PTPRG: variants seen among roughly 807,000 people sequenced by gnomAD.
PTPRG encodes protein tyrosine phosphatase receptor type G, also known as receptor-type tyrosine-protein phosphatase gamma.
PTPRG carries 102 observed loss-of-function variants against 165.3 expected under a neutral mutation model. The observed-to-expected ratio is 0.62, with a 90% CI of 0.53 to 0.73. The LOEUF (loss-of-function observed/expected upper bound fraction) is 0.73. PTPRG is among the 30% of genes least tolerant of loss of function. The probability of loss-of-function intolerance (pLI) is 0.00; values close to 1 mark genes in which losing one functional copy is unlikely to be tolerated. For synonymous variants in PTPRG, 675 were observed against 669.5 expected (o/e 1.01, Z -0.13); for missense variants, 1,866 against 1,861.4 (o/e 1.00, Z -0.05).
intron 4 of PTPRG, among the ~76,000 whole-genome samples, chr3:62,021,568 T>G (rs2041692279): frequency 6.6e-6 from 1 of 152,200 alleles, no homozygotes; most frequent in South Asian, 2.1e-4. Flanking sequence ...CTAGAATTAG[T>G]GATCAGTCAG....
In PTPRG at chr3:62,271,553, C is replaced by G. The variant is rs752698918; in HGVS notation, c.3180C>G (p.Cys1060Trp). 6.2e-7 allele frequency: 1 copy of G among 1,612,074 alleles called. No homozygotes were observed. Among genetic ancestry groups the G allele is most frequent in the South Asian group, 1.1e-5 (1 of 90,756 alleles). ...AAACGGGCCCTGTGTTGGTGCACTG[C>G]AGGTAGGGTCTAGGATTCAACATGT... is the stretch of plus-strand genomic sequence containing the variant. ...MPETGPVLVH[C>W]SAGVGRTGTY... is the part of the protein sequence containing the mutation. The change falls in exon 21 of 30, where the codon TGC (cysteine) becomes TGG (tryptophan). Residue 1060 changes from cysteine to tryptophan, a missense_variant and splice_region_variant. Cys to Trp is a radical substitution (Grantham distance 215). Coordinates refer to ENST00000474889, the MANE Select transcript of PTPRG (RefSeq NM_002841.4). The surrounding 1 kb of genome is among the most constrained non-coding windows in gnomAD (Gnocchi z 4.1).
intron 4 of PTPRG, among the ~76,000 whole-genome samples, chr3:62,021,802 A>C (rs2041697087): frequency 6.6e-6 from 1 of 151,094 alleles, no homozygotes; most frequent in Non-Finnish European, 1.5e-5. Flanking sequence ...TATGGGGCTA[A>C]TACATTTCTT....
intron 2 of PTPRG, among the ~76,000 whole-genome samples, chr3:61,805,094 G>A (rs2107186586): frequency 6.6e-6 from 1 of 152,252 alleles, no homozygotes; most frequent in East Asian, 1.9e-4. Context: ...ACCTTGCCAG[G>A]GCTGACCTTC....
At chr3:62,140,846 G>A (rs866423459) in intron 6 of PTPRG, among the ~76,000 whole-genome samples, 9 of 121,496 alleles carry the variant, frequency 7.4e-5, no homozygotes, top group African/African-American at 2.8e-4. Flanking sequence ...GATGAGACTC[G>A]GTCTCAAAAA....
chr3:61,855,763 C>T (rs2037088802), intron 2 of PTPRG, among the ~76,000 whole-genome samples: 1 of 150,082 alleles, frequency 6.7e-6, no homozygotes, highest in South Asian at 2.1e-4. Flanking sequence ...TGCTTCAGGC[C>T]TCACATTAGG....
chr3:62,178,186 C>G (rs1576100244), intron 8 of PTPRG, among the ~76,000 whole-genome samples: 1 of 119,568 alleles, frequency 8.4e-6, no homozygotes, highest in South Asian at 2.8e-4. Flanking sequence ...TGGATGGATG[C>G]ACATGTGGAT....
chr3:61,910,771 C>A (rs939957983), intron 2 of PTPRG, among the ~76,000 whole-genome samples: 1 of 152,168 alleles, frequency 6.6e-6, no homozygotes, highest in Non-Finnish European at 1.5e-5. Context: ...AACCCCCTGC[C>A]TCTGTTCGGT....
At position 62,240,266 on chromosome 3, in the gene PTPRG, C is replaced by T. The variant is rs1280994392; in HGVS notation, c.2376-3541C>T. ...GTGAGAATCGCCCGAACCTGGGAGGCGGAGGTTGCAGTGAGCTGAGATCGT... is the reference window on the plus strand; with the variant it reads ...GTGAGAATCGCCCGAACCTGGGAGGTGGAGGTTGCAGTGAGCTGAGATCGT... On this transcript the variant is annotated intron_variant, in intron 14 of 29. Transcript: ENST00000474889. The surrounding 1 kb of genome is among the most constrained non-coding windows in gnomAD (Gnocchi z 5.1). 3.9e-5 allele frequency among the ~76,000 whole-genome samples: 6 copies of T among 152,060 alleles called. No homozygotes were observed. Among genetic ancestry groups the T allele is most frequent in the South Asian group, 2.1e-4 (1 of 4,822 alleles).
chr3:62,184,066 G>A (rs976931044), intron 8 of PTPRG, among the ~76,000 whole-genome samples: 12 of 152,118 alleles, frequency 7.9e-5, no homozygotes, highest in African/African-American at 2.9e-4. Context: ...TGGTTCCTTG[G>A]CCCAGCCCAG....
At chr3:62,253,049 C>T (rs113526231) in intron 15 of PTPRG, among the ~76,000 whole-genome samples, 50 of 152,244 alleles carry the variant, frequency 3.3e-4, no homozygotes, top group Non-Finnish European at 1.5e-5. Context: ...GATTTCTGGG[C>T]ATGTGTGTGT....
At chr3:61,775,909 A>G (rs2034365262) in intron 2 of PTPRG, among the ~76,000 whole-genome samples, 1 of 130,400 alleles carries the variant, frequency 7.7e-6, no homozygotes, top group African/African-American at 2.9e-5. Context: ...GGGGAACATC[A>G]TACACCGGGG....
At chr3:61,917,065 A>G (rs2038957393) in intron 2 of PTPRG, among the ~76,000 whole-genome samples, 1 of 152,092 alleles carries the variant, frequency 6.6e-6, no homozygotes, top group South Asian at 2.1e-4. Flanking sequence ...CTACGGAATC[A>G]GCTCTACTGG....
At chr3:61,895,738 A>G (rs2038337284) in intron 2 of PTPRG, among the ~76,000 whole-genome samples, 1 of 152,216 alleles carries the variant, frequency 6.6e-6, no homozygotes, top group South Asian at 2.1e-4. Context: ...TTTCCTATTT[A>G]GTGATGTGAT....
intron 2 of PTPRG, among the ~76,000 whole-genome samples, chr3:61,941,395 C>T (rs578218316): frequency 9.2e-5 from 14 of 152,232 alleles, no homozygotes; most frequent in African/African-American, 3.4e-4. Context: ...GAGGCTGAGG[C>T]GGGCAGATCA....
At chr3:61,840,272 A>AT (rs2036585735) in intron 2 of PTPRG, among the ~76,000 whole-genome samples, 1 of 151,762 alleles carries the variant, frequency 6.6e-6, no homozygotes, top group Admixed American at 6.6e-5. Flanking sequence ...TCTTAAGAAT[A>AT]TTTTTTGCTA....
At chr3:61,668,139 A>G (rs61066326) in intron 1 of PTPRG, among the ~76,000 whole-genome samples, 21,470 of 152,234 alleles carry the variant, frequency 0.14, 1,626 homozygotes, top group Admixed American at 0.17. Flanking sequence ...CATACAGAAG[A>G]CCATTCTCAT....
At chr3:62,128,638 T>C (rs1703402336) in intron 5 of PTPRG, among the ~76,000 whole-genome samples, 1 of 151,068 alleles carries the variant, frequency 6.6e-6, no homozygotes, top group African/African-American at 2.4e-5. Flanking sequence ...TATGAGACTG[T>C]ATCCCCATTT....
intron 6 of PTPRG, among the ~76,000 whole-genome samples, chr3:62,151,835 T>C (rs1704347363): frequency 6.6e-6 from 1 of 152,134 alleles, no homozygotes. Flanking sequence ...ACAAGCACTA[T>C]GCATGCTTAC....
At chr3:62,082,211 A>G (rs556335522) in intron 5 of PTPRG, among the ~76,000 whole-genome samples, 10 of 152,022 alleles carry the variant, frequency 6.6e-5, no homozygotes, top group African/African-American at 1.7e-4. Context: ...TACCATTTCA[A>G]TTTTTCACTA....
Sources: allele counts gnomAD v4.1 joint callset (sites outside exome capture counted in the v4.1 genomes callset), GRCh38; gene constraint gnomAD v4.1.1; non-coding constraint Gnocchi (gnomAD v3.1); transcripts MANE v1.5; gene names NCBI Gene and HGNC (gene_info 2026-07-23, HGNC 2026-07-21).